Variants in NBAS observed in about 807,000 individuals in gnomAD.
NBAS encodes NAG/BC035112 fusion.
Under a neutral mutation model 302.5 loss-of-function variants are expected in NBAS, and 219 were observed. That is an observed-to-expected ratio of 0.72 (90% confidence interval 0.65 to 0.81). The LOEUF (loss-of-function observed/expected upper bound fraction) is 0.81. Ranked by LOEUF, NBAS falls within the 30% of genes least tolerant of loss-of-function variation. NBAS has a pLI of 0.00. For missense variants in NBAS, 2,932 were observed against 2,841.6 expected (o/e 1.03, Z -0.72); for synonymous variants, 1,118 against 1,021.6 (o/e 1.09, Z -1.80).
chr2:14,889,115 T>C, the NBAS span, among the ~76,000 whole-genome samples: 2 of 152,214 alleles, frequency 1.3e-5, no homozygotes, highest in African/African-American at 4.8e-5. Flanking sequence ...TAGAGACACA[T>C]TTGCCACTCT....
intron 47 of NBAS, among the ~76,000 whole-genome samples, chr2:15,223,569 A>G (rs1382063570): frequency 6.6e-6 from 1 of 152,156 alleles, no homozygotes; most frequent in East Asian, 1.9e-4. Context: ...ATGATTTTTA[A>G]AAGTCATGAA....
chr2:15,019,162 TAGTTCAATTGGCAA>T, the NBAS span, among the ~76,000 whole-genome samples: 2 of 152,192 alleles, frequency 1.3e-5, no homozygotes, highest in Non-Finnish European at 2.9e-5. Context: ...TAATAATAAG[TAGTTCAATTGGCAA>T]TAGTTAAATG....
intron 35 of NBAS, among the ~76,000 whole-genome samples, chr2:15,343,451 A>G (rs941934323): frequency 6.6e-6 from 1 of 152,148 alleles, no homozygotes; most frequent in Non-Finnish European, 1.5e-5. Flanking sequence ...TAAAGCAATA[A>G]TTGTAACAAA....
intron 21 of NBAS, among the ~76,000 whole-genome samples, chr2:15,458,002 T>C (rs369957180): frequency 8.5e-4 from 130 of 152,316 alleles, no homozygotes; most frequent in African/African-American, 3.1e-3. Context: ...TAATCTCTTT[T>C]TTAAATGACA....
chr2:15,201,997 A>C (rs1053833034), intron 48 of NBAS, among the ~76,000 whole-genome samples: 1 of 152,242 alleles, frequency 6.6e-6, no homozygotes, highest in Admixed American at 6.5e-5. Flanking sequence ...ATCAGCAAAA[A>C]CTTTTAGCTC....
chr2:14,854,684 G>A, the NBAS span, among the ~76,000 whole-genome samples: 1 of 152,126 alleles, frequency 6.6e-6, no homozygotes, highest in East Asian at 1.9e-4. Context: ...TCCTGTTAGA[G>A]CAGAAAGGAA....
chr2:15,197,120 G>A (rs575723472), intron 48 of NBAS, among the ~76,000 whole-genome samples: 1 of 152,110 alleles, frequency 6.6e-6, no homozygotes, highest in Non-Finnish European at 1.5e-5. Context: ...AGCAAACTAA[G>A]TTTGAATTGT....
chr2:14,912,730 G>GAAAAAAAAAAAAA, the NBAS span, among the ~76,000 whole-genome samples: 4 of 124,290 alleles, frequency 3.2e-5, no homozygotes, highest in African/African-American at 9.2e-5. Context: ...AAAAAAAAAG[G>GAAAAAAAAAAAAA]AAATCCCTTT....
chr2:15,276,767 T>C, intron 43 of NBAS, 84 bp downstream of exon 43: 1 of 1,599,680 alleles, frequency 6.3e-7, no homozygotes, highest in Non-Finnish European at 8.6e-7. Context: ...GCAACCATAA[T>C]GCATGAACAG....
chr2:15,326,169 T>G (rs1018227340), intron 38 of NBAS, among the ~76,000 whole-genome samples: 7 of 152,170 alleles, frequency 4.6e-5, no homozygotes, highest in Non-Finnish European at 8.8e-5. Context: ...ACGAAAAAGT[T>G]TGAAATACTG....
chr2:15,294,100 C>T (rs1670441422), intron 40 of NBAS, among the ~76,000 whole-genome samples: 1 of 152,192 alleles, frequency 6.6e-6, no homozygotes, highest in Non-Finnish European at 1.5e-5. Flanking sequence ...GGACACGGCC[C>T]TTCCCTACAG....
At chr2:15,106,214 G>A in the NBAS span, among the ~76,000 whole-genome samples, 35 of 151,566 alleles carry the variant, frequency 2.3e-4, no homozygotes, top group Admixed American at 1.9e-3. Flanking sequence ...TGCCTTAGGA[G>A]AGCTTTTCAA....
At chr2:14,987,472 AATATAT>A in the NBAS span, among the ~76,000 whole-genome samples, 1 of 149,104 alleles carries the variant, frequency 6.7e-6, no homozygotes, top group East Asian at 2.0e-4. Flanking sequence ...TCTTATGACA[AATATAT>A]ATATATATAT....
At chr2:14,823,598 C>A in the NBAS span, among the ~76,000 whole-genome samples, 1 of 152,190 alleles carries the variant, frequency 6.6e-6, no homozygotes, top group South Asian at 2.1e-4. Context: ...CATTACAACT[C>A]TCAGGTTTTA....
chr2:15,041,906 T>C, the NBAS span, among the ~76,000 whole-genome samples: 1 of 152,188 alleles, frequency 6.6e-6, no homozygotes, highest in Non-Finnish European at 1.5e-5. Flanking sequence ...GATGGGGCCA[T>C]TTTCAGGCTT....
chr2:15,461,089 AG>A, intron 21 of NBAS, 111 bp downstream of exon 21: 1 of 1,017,190 alleles, frequency 9.8e-7, no homozygotes. Flanking sequence ...TCAGGAAAAA[AG>A]TTTAAATATA....
At chr2:14,882,206 TTC>T in the NBAS span, among the ~76,000 whole-genome samples, 3 of 152,104 alleles carry the variant, frequency 2.0e-5, no homozygotes, top group Admixed American at 6.6e-5. Flanking sequence ...CAAAGTTTGA[TTC>T]CAATCCCAGT....
chr2:14,854,763 A>G, the NBAS span, among the ~76,000 whole-genome samples: 2 of 152,176 alleles, frequency 1.3e-5, no homozygotes, highest in African/African-American at 2.4e-5. Flanking sequence ...CCCAGCTGTT[A>G]AAACTTGAGC....
chr2:14,954,729 T>A, the NBAS span, among the ~76,000 whole-genome samples: 8 of 152,256 alleles, frequency 5.3e-5, no homozygotes, highest in Middle Eastern at 6.8e-3. Context: ...AAGCCCCTTA[T>A]AAAACCATCA....
Sources: allele counts gnomAD v4.1 joint callset (sites outside exome capture counted in the v4.1 genomes callset), GRCh38; gene constraint gnomAD v4.1.1; transcripts MANE v1.5; gene names NCBI Gene and HGNC (gene_info 2026-07-23, HGNC 2026-07-21).